CNTNAP3: variants seen among roughly 807,000 people sequenced by gnomAD.
CNTNAP3 encodes contactin associated protein family member 3.
CNTNAP3 carries 36 observed loss-of-function variants against 92.1 expected under a neutral mutation model. The ratio of observed to expected loss-of-function variants is 0.39; its 90% CI spans 0.30 to 0.52. The LOEUF (loss-of-function observed/expected upper bound fraction) is 0.52, where lower values mean the gene tolerates loss of function less well. CNTNAP3 is among the 20% of genes least tolerant of loss of function. The pLI is 0.76. For synonymous variants in CNTNAP3, 232 were observed against 422.3 expected (o/e 0.55, Z 5.53); for missense variants, 534 against 1,069.6 (o/e 0.50, Z 6.98).
At chr9:39,112,020 T>C (rs1826759294) in intron 14 of CNTNAP3, among the ~76,000 whole-genome samples, 1 of 145,444 alleles carries the variant, frequency 6.9e-6, no homozygotes, top group Non-Finnish European at 1.5e-5. Flanking sequence ...AACTTCCTAA[T>C]TAATAGGGAC....
rs1826070731 is a variant in CNTNAP3, at chr9:39,086,727, C to T, written c.3343G>A (p.Val1115Ile). 2.5e-6 allele frequency: 4 copies of T among 1,610,760 alleles called. No individual in the cohort carries two copies. The East Asian group carries it at 8.9e-5, about 36-fold the overall frequency. ...ATTTGTGGGATTACCTCTACCATGA[C>T]CACAGCTTCTTCTCTGTTAATCTTC... The part of the protein sequence containing the change: ...QVKINREEAV[V>I]MVEVNQSTKK... Residue 1115 changes from valine (V) to isoleucine (I), a missense_variant, in exon 20 of 24, where the codon GTC becomes ATC. Coordinates refer to ENST00000297668, the MANE Select transcript of CNTNAP3 (RefSeq NM_033655.5).
chr9:39,107,974 G>C (rs930393887), intron 15 of CNTNAP3, among the ~76,000 whole-genome samples: 3 of 152,160 alleles, frequency 2.0e-5, no homozygotes, highest in African/African-American at 7.2e-5. Flanking sequence ...GAGCTGTGAG[G>C]AGTCTGAGAT....
intron 13 of CNTNAP3, among the ~76,000 whole-genome samples, chr9:39,130,649 C>A (rs1391940624): frequency 6.6e-6 from 1 of 152,034 alleles, no homozygotes; most frequent in African/African-American, 2.4e-5. Flanking sequence ...GGACTACAGG[C>A]ACCTGCCACC....
At chr9:39,096,280 A>G (rs1826323792) in intron 18 of CNTNAP3, among the ~76,000 whole-genome samples, 1 of 118,202 alleles carries the variant, frequency 8.5e-6, no homozygotes, top group South Asian at 3.0e-4. Flanking sequence ...TTGTGTGTAG[A>G]TTCAGATTAT....
rs144674512 is a variant in CNTNAP3, at chr9:39,164,943, A to G, written c.1477+990T>C. On this transcript the variant is annotated intron_variant, in intron 9 of 23. Transcript: ENST00000297668. The stretch of plus-strand genomic sequence containing the variant: ...CACTTGTTTCCATTTCTTTAGCTGT[A>G]TGAGTTCTCATAGTCAGTTTGGGCT... 9.5e-3 allele frequency among the ~76,000 whole-genome samples: 1,412 copies of G among 148,390 alleles called. 111 individuals carry two copies. The highest frequency in any genetic ancestry group is 0.034 in the African/African-American group (1,350 of 39,470).
rs1201415866 is a variant in CNTNAP3, at chr9:39,067,004, AGTT to A, written c.*6883_*6885del. On this transcript the variant is annotated 3_prime_UTR_variant, in exon 24 of 24. Coordinates refer to ENST00000297668, the MANE Select transcript of CNTNAP3 (RefSeq NM_033655.5). ...AAATACACACAGATTAGGCAACTGA[AGTT>A]GTCCCACAGATCACCGATACTCTGA... Among the ~76,000 whole-genome samples, 115 of 152,380 alleles carry A rather than the reference AGTT, an allele frequency of 7.5e-4. No individual in the cohort carries two copies. The highest frequency in any genetic ancestry group is 1.4e-3 in the Non-Finnish European group (94 of 68,032).
chr9:39,087,648 G>A (rs1326258908), intron 19 of CNTNAP3, among the ~76,000 whole-genome samples: 2 of 151,972 alleles, frequency 1.3e-5, no homozygotes, highest in South Asian at 2.1e-4. Context: ...CACCATGCCC[G>A]GCTCATTTTT....
chr9:39,147,919 T>G (rs1212598051), intron 10 of CNTNAP3, among the ~76,000 whole-genome samples: 4 of 152,162 alleles, frequency 2.6e-5, no homozygotes, highest in African/African-American at 7.2e-5. Context: ...TTGTGAGTAA[T>G]TAACAAGGTA....
chr9:39,090,882 C>T (rs1826180914), intron 18 of CNTNAP3, among the ~76,000 whole-genome samples: 1 of 152,276 alleles, frequency 6.6e-6, no homozygotes, highest in Non-Finnish European at 1.5e-5. Context: ...TTATAGTTTT[C>T]AGTGTGTTTT....
chr9:39,148,582 A>C (rs1476174816), intron 10 of CNTNAP3, among the ~76,000 whole-genome samples: 1 of 147,796 alleles, frequency 6.8e-6, no homozygotes, highest in Non-Finnish European at 1.5e-5. Context: ...GCTGGAGTGC[A>C]GTGGCACGAT....
intron 13 of CNTNAP3, among the ~76,000 whole-genome samples, chr9:39,131,558 GCT>G (rs1821294229): frequency 6.6e-6 from 1 of 151,708 alleles, no homozygotes; most frequent in Non-Finnish European, 1.5e-5. Flanking sequence ...GGGCGCGGTG[GCT>G]CACGCCTGTA....
At chr9:39,145,084 G>A (rs1821667304) in intron 10 of CNTNAP3, among the ~76,000 whole-genome samples, 1 of 139,620 alleles carries the variant, frequency 7.2e-6, no homozygotes, top group Non-Finnish European at 1.6e-5. Context: ...CTTGGAATCT[G>A]CTGCCGCCCA....
intron 15 of CNTNAP3, among the ~76,000 whole-genome samples, chr9:39,104,477 T>TACACACACACACACACACACACACACAC (rs60068368): frequency 8.1e-6 from 1 of 123,108 alleles, no homozygotes; most frequent in Non-Finnish European, 1.7e-5. Context: ...CACATACACA[T>TACACACACACACACACACACACACACAC]ACACACACAC....
intron 21 of CNTNAP3, among the ~76,000 whole-genome samples, chr9:39,082,938 G>A (rs962150048): frequency 5.9e-5 from 9 of 152,262 alleles, no homozygotes; most frequent in African/African-American, 2.2e-4. Context: ...GTTAAAAGCT[G>A]TTAACTTCCT....
chr9:39,159,411 A>ATATATTT (rs545909606), intron 9 of CNTNAP3: 14 of 129,342 alleles, frequency 1.1e-4, no homozygotes, highest in African/African-American at 4.1e-4. Flanking sequence ...ATATATATAT[A>ATATATTT]TTTTTTTTTC....
chr9:39,067,352 C>G lies in CNTNAP3; in HGVS notation c.*6538G>C, dbSNP rs1478223699. 6.6e-6 allele frequency among the ~76,000 whole-genome samples: 1 copy of G among 152,304 alleles called. No homozygotes were observed. The highest frequency in any genetic ancestry group is 1.9e-4 in the East Asian group (1 of 5,206). ...TCCTATTTTTCTGCCTCTTCACACA[C>G]TTGGTAATTTTTTATTGTATACCAG... On this transcript the variant is annotated 3_prime_UTR_variant, in exon 24 of 24. Transcript: ENST00000297668.
intron 13 of CNTNAP3, among the ~76,000 whole-genome samples, chr9:39,125,659 CA>C (rs201480763): frequency 0.018 from 2,738 of 151,998 alleles, 54 homozygotes; most frequent in East Asian, 0.11. Flanking sequence ...TAACACTAAC[CA>C]AAAAGAAAGC....
In CNTNAP3 at chr9:39,132,707, C is replaced by G. The variant is rs566857666; in HGVS notation, c.2080+225G>C. ...CCCTTGATTAAGAAAGGACAAGTCA[C>G]TAGTCCTGCATATGAACGCGCTGAA... On this transcript the variant is annotated intron_variant, in intron 13 of 23. Transcript: ENST00000297668. Among the ~76,000 whole-genome samples, 162 of 152,264 alleles carry G rather than the reference C, an allele frequency of 1.1e-3. 1 individual carries two copies. Among genetic ancestry groups the G allele is most frequent in the African/African-American group, 3.7e-3 (154 of 41,542 alleles).
At chr9:39,087,280 T>C (rs1826081325) in intron 19 of CNTNAP3, among the ~76,000 whole-genome samples, 1 of 152,274 alleles carries the variant, frequency 6.6e-6, no homozygotes, top group African/African-American at 2.4e-5. Context: ...ATCACTGATA[T>C]GTGCATAAAG....
Sources: gnomAD v4.1 joint callset for allele counts (sites outside exome capture counted in the v4.1 genomes callset) on GRCh38, gnomAD v4.1.1 for gene constraint, MANE v1.5 for transcripts, NCBI Gene and HGNC (gene_info 2026-07-23, HGNC 2026-07-21) for gene names.